RAB4B: variants seen among roughly 807,000 people sequenced by gnomAD.
RAB4B encodes the protein RAB4B, member RAS oncogene family.
In RAB4B, 15 loss-of-function variants were observed where a neutral mutation model predicts 28.3. The ratio of observed to expected loss-of-function variants is 0.53; its 90% confidence interval spans 0.35 to 0.82. RAB4B has a LOEUF of 0.82. RAB4B is among the 40% of genes least tolerant of loss of function. The pLI, the probability that RAB4B is intolerant of heterozygous loss-of-function variation, is 0.01. For missense variants in RAB4B, 244 were observed against 288.5 expected (o/e 0.85, Z 1.12); for synonymous variants, 108 against 116.3 (o/e 0.93, Z 0.46).
rs200380563 is a variant in RAB4B, at chr19:40,783,679, A to AG, written c.213-91dup. The AG allele has an allele frequency of 2.7e-4, 324 of 1,194,688 alleles. 1 individual carries two copies. Among genetic ancestry groups the AG allele is most frequent in the African/African-American group, 5.3e-4 (33 of 61,816 alleles). 74.0% of individuals were successfully genotyped at this position (1,194,688 alleles called of 1,614,324 possible). ...GTTTTGGGGGATGGGCCAGCAGTGAAGGGGGGGGCCTCCGAACCACCAGTC... is the reference window on the plus strand; with the variant it reads ...GTTTTGGGGGATGGGCCAGCAGTGAAGGGGGGGGGCCTCCGAACCACCAGTC... On this transcript the variant is annotated intron_variant, in intron 3 of 7. Transcript: ENST00000357052.
chr19:40,784,515 A>G (rs545666664), intron 5 of RAB4B, among the ~76,000 whole-genome samples: 2 of 152,184 alleles, frequency 1.3e-5, no homozygotes, highest in East Asian at 3.9e-4. Context: ...CAACAACAAA[A>G]CAACAACAAA....
In RAB4B at chr19:40,796,616, T is replaced by A. The variant is rs904794514; in HGVS notation, c.*62T>A. ...GCCCTGCTGGGGCCCAGGCCCAGGC[T>A]CTGAGAGGCCGTGTCCTAACCTGCC... is the stretch of plus-strand genomic sequence containing the variant. On this transcript the variant is annotated 3_prime_UTR_variant, in exon 8 of 8. Coordinates refer to ENST00000357052, the MANE Select transcript of RAB4B (RefSeq NM_016154.5). 2 of 152,544 alleles carry A rather than the reference T, an allele frequency of 1.3e-5. No individual in the cohort carries two copies. The highest frequency in any genetic ancestry group is 4.8e-5 in the African/African-American group (2 of 41,430). 9.4% of individuals were successfully genotyped at this position (152,544 alleles called of 1,614,324 possible).
Position 40,796,690 on chromosome 19 carries a change from G to T in RAB4B, c.*136G>T, listed in dbSNP as rs1163889788. ...CCACCTGTCCCCCTTCCCTGGCCTGGTGGGGCCTGGCTTTGGGGCAAGACT... is the reference window on the plus strand; with the variant it reads ...CCACCTGTCCCCCTTCCCTGGCCTGTTGGGGCCTGGCTTTGGGGCAAGACT... On this transcript the variant is annotated 3_prime_UTR_variant, in exon 8 of 8. Transcript: ENST00000357052. 2 of 153,052 alleles carry T rather than the reference G, an allele frequency of 1.3e-5. No homozygotes were observed. Among genetic ancestry groups the T allele is most frequent in the Non-Finnish European group, 2.9e-5 (2 of 68,386 alleles). 9.5% of individuals were successfully genotyped at this position (153,052 alleles called of 1,614,324 possible). A position where few individuals can be genotyped will look rare whatever the true frequency, so the allele number is the denominator to read the frequency against.
At chr19:40,785,621 A>G (rs561660082) in intron 5 of RAB4B, 207 of 152,356 alleles carry the variant, frequency 1.4e-3, no homozygotes, top group Non-Finnish European at 2.2e-3. Context: ...CCTGTTTTGC[A>G]ACCTCCAGGT....
In RAB4B at chr19:40,780,380, C is replaced by G; in HGVS notation, c.98-5C>G. Reference sequence around the variant, plus strand: ...TACTGCCCCTTCTGTTCCTCCTACTCCCAGTCAAACAGGACTCCAACCACA... The same window carrying G: ...TACTGCCCCTTCTGTTCCTCCTACTGCCAGTCAAACAGGACTCCAACCACA... On this transcript the variant is annotated splice_polypyrimidine_tract_variant and splice_region_variant and intron_variant, in intron 2 of 7. Transcript: ENST00000357052. 6.2e-7 allele frequency: 1 copy of G among 1,602,546 alleles called. No individual in the cohort carries two copies. Among genetic ancestry groups the G allele is most frequent in the Non-Finnish European group, 8.5e-7 (1 of 1,174,392 alleles).
intron 1 of RAB4B, 198 bp from the exon 2 acceptor site, chr19:40,779,821 T>A (rs2083030170): frequency 3.0e-6 from 4 of 1,315,986 alleles, no homozygotes; most frequent in Admixed American, 3.2e-5. Context: ...AAAAAAAATA[T>A]ATAGAATGTG....
intron 1 of RAB4B, among the ~76,000 whole-genome samples, chr19:40,778,752 A>G (rs1208895666): frequency 1.3e-5 from 2 of 152,042 alleles, no homozygotes; most frequent in East Asian, 1.9e-4. Flanking sequence ...TAGAGGGAAC[A>G]CTGAATGGAA....
chr19:40,780,185 G>T, intron 2 of RAB4B, 86 bp downstream of exon 2: 1 of 1,570,676 alleles, frequency 6.4e-7, no homozygotes, highest in Non-Finnish European at 8.7e-7. Flanking sequence ...GGGAGGGCAG[G>T]GCTGGCCATA....
intron 7 of RAB4B, among the ~76,000 whole-genome samples, chr19:40,794,978 C>T (rs1485133499): frequency 3.6e-5 from 5 of 138,672 alleles, no homozygotes; most frequent in Non-Finnish European, 6.2e-5. Context: ...CAAGTGAAAC[C>T]CCGTCTCTAC....
At chr19:40,783,634 G>A (rs1568492142) in intron 3 of RAB4B, 144 bp from the exon 4 acceptor site, 4 of 618,034 alleles carry the variant, frequency 6.5e-6, no homozygotes, top group Non-Finnish European at 1.0e-5. Context: ...GGAATTGCAT[G>A]GTGACCCGAC....
rs146509874 is a variant in RAB4B, at chr19:40,789,068, C to T, written c.*15+2090C>T. Among the ~76,000 whole-genome samples the T allele has an allele frequency of 1.5e-3, 231 of 151,880 alleles. 1 individual carries two copies. The highest frequency in any genetic ancestry group is 5.4e-3 in the African/African-American group (224 of 41,432). On this transcript the variant is annotated intron_variant, in intron 7 of 7. Coordinates refer to ENST00000357052, the MANE Select transcript of RAB4B (RefSeq NM_016154.5). Reference sequence around the variant, plus strand: ...GTGCCGGGATTACAGTGTGAGCCACCGCACCTGGCCGACACAGGGTTTCAT... The same window carrying T: ...GTGCCGGGATTACAGTGTGAGCCACTGCACCTGGCCGACACAGGGTTTCAT...
At chr19:40,783,073 G>C (rs550932483) in intron 3 of RAB4B, among the ~76,000 whole-genome samples, 63 of 149,560 alleles carry the variant, frequency 4.2e-4, no homozygotes, top group African/African-American at 1.4e-3. Flanking sequence ...GGGAGGTGGA[G>C]GTTGCAGTGG....
In RAB4B at chr19:40,778,410, G is replaced by T; in HGVS notation, c.16+19G>T. The T allele has an allele frequency of 6.9e-7, 1 of 1,456,376 alleles. No individual in the cohort carries two copies. The highest frequency in any genetic ancestry group is 9.0e-7 in the Non-Finnish European group (1 of 1,107,374). The allele number at this position is 1,456,376 out of a possible 1,614,324, so 90.2% of individuals were successfully genotyped here. ...ACCTACGGTGAGGGTGGTGGACGAA[G>T]CTGGGGTCCTGGGTCTGGGCCCAGG... is the stretch of plus-strand genomic sequence containing the variant. On this transcript the variant is annotated intron_variant, in intron 1 of 7. Transcript: ENST00000357052.
intron 7 of RAB4B, among the ~76,000 whole-genome samples, chr19:40,795,782 A>T (rs1000126726): frequency 6.6e-5 from 10 of 151,318 alleles, no homozygotes; most frequent in Non-Finnish European, 1.2e-4. Context: ...ATGTCAGCTC[A>T]CCGTAACTTC....
At chr19:40,795,021 T>G (rs2083196368) in intron 7 of RAB4B, among the ~76,000 whole-genome samples, 1 of 123,164 alleles carries the variant, frequency 8.1e-6, no homozygotes, top group African/African-American at 3.4e-5. Flanking sequence ...AAAAAAAAAT[T>G]AGCCAGGCGT....
chr19:40,782,844 A>T (rs545903560), intron 3 of RAB4B, among the ~76,000 whole-genome samples: 18 of 104,642 alleles, frequency 1.7e-4, no homozygotes, highest in African/African-American at 5.8e-4. Context: ...ATCAATCAAT[A>T]AAAGACATGT....
intron 7 of RAB4B, among the ~76,000 whole-genome samples, chr19:40,793,000 C>T: frequency 6.6e-6 from 1 of 152,104 alleles, no homozygotes; most frequent in Admixed American, 6.5e-5. Flanking sequence ...CTGGCTTGAA[C>T]TCCTGACCTC....
At chr19:40,779,042 G>T in intron 1 of RAB4B, 3 of 984,432 alleles carry the variant, frequency 3.0e-6, no homozygotes, top group Non-Finnish European at 3.6e-6. Context: ...GGAGAAGAGT[G>T]CAAAGACCCT....
Position 40,778,329 on chromosome 19 carries a change from CGCGGCCGCGGCGCCATATTGCGGCCCTCA to C in RAB4B, c.-37_-9del. The C allele has an allele frequency of 6.7e-7, 1 of 1,484,754 alleles. No individual in the cohort carries two copies. Among genetic ancestry groups the C allele is most frequent in the Middle Eastern group, 1.9e-4 (1 of 5,190 alleles). 92.0% of individuals were successfully genotyped at this position (1,484,754 alleles called of 1,614,324 possible). Reference sequence around the variant, plus strand: ...GAGCGGCTGCCAGCCGAGGAGCAGGCGCGGCCGCGGCGCCATATTGCGGCCCTCAGCGGCCGCGACCGAGTCATGGCTGA... The same window carrying C: ...GAGCGGCTGCCAGCCGAGGAGCAGGCGCGGCCGCGACCGAGTCATGGCTGA... On this transcript the variant is annotated 5_prime_UTR_variant, in exon 1 of 8. Coordinates refer to ENST00000357052, the MANE Select transcript of RAB4B (RefSeq NM_016154.5).
Sources: allele counts gnomAD v4.1 joint callset (sites outside exome capture counted in the v4.1 genomes callset), GRCh38; gene constraint gnomAD v4.1.1; transcripts MANE v1.5; gene names NCBI Gene and HGNC (gene_info 2026-07-23, HGNC 2026-07-21).